The following COL6A2 variants were observed in gnomAD, a reference collection of about 807,000 sequenced individuals.
COL6A2 encodes collagen type VI alpha 2 chain, also known as collagen alpha-2(VI) chain.
In COL6A2, 90 loss-of-function variants were observed where a neutral mutation model predicts 124.9. That is an observed-to-expected ratio of 0.72 (90% CI 0.61 to 0.86). COL6A2 has a LOEUF of 0.86. Among genes scored for constraint, COL6A2 ranks in the 40% least tolerant of loss-of-function variants. The pLI, the probability that COL6A2 is intolerant of heterozygous loss-of-function variation, is 0.00. For missense variants in COL6A2, 1,607 were observed against 1,502.5 expected (o/e 1.07, Z -1.15); for synonymous variants, 793 against 618.2 (o/e 1.28, Z -4.19).
At chr21:46,103,692 T>C (rs1382919497) in intron 1 of COL6A2, among the ~76,000 whole-genome samples, 1 of 152,230 alleles carries the variant, frequency 6.6e-6, no homozygotes, top group African/African-American at 2.4e-5. Flanking sequence ...TTTAATTTCG[T>C]GATTTTTTAA....
intron 27 of COL6A2, 111 bp from the exon 28 acceptor site, chr21:46,131,843 T>C (rs2078763963): frequency 9.8e-7 from 1 of 1,020,590 alleles, no homozygotes; most frequent in Admixed American, 2.0e-5. Flanking sequence ...AGCCCAGTGG[T>C]CTGTGAGGTT....
intron 27 of COL6A2, among the ~76,000 whole-genome samples, chr21:46,131,693 G>A (rs142500002): frequency 2.0e-5 from 3 of 152,310 alleles, no homozygotes; most frequent in Non-Finnish European, 2.9e-5. Flanking sequence ...CTCAGCAGGT[G>A]GACAGGGCCT....
intron 14 of COL6A2, 98 bp downstream of exon 14, chr21:46,119,217 G>A: frequency 1.0e-6 from 1 of 953,730 alleles, no homozygotes; most frequent in Non-Finnish European, 1.6e-6. Flanking sequence ...CTGTAGGCAG[G>A]ATCCCCTGCT....
chr21:46,102,441 G>C (rs1487622207), intron 1 of COL6A2, among the ~76,000 whole-genome samples: 1 of 152,160 alleles, frequency 6.6e-6, no homozygotes, highest in Non-Finnish European at 1.5e-5. Flanking sequence ...AATAGAAGTA[G>C]TGAAAGCAGG....
intron 1 of COL6A2, among the ~76,000 whole-genome samples, chr21:46,098,456 T>TC (rs562300324): frequency 2.0e-5 from 3 of 151,024 alleles, no homozygotes; most frequent in South Asian, 2.1e-4. Context: ...CTGGGCGGGG[T>TC]GGGGGGGTCC....
intron 3 of COL6A2, 86 bp from the exon 4 acceptor site, chr21:46,112,718 G>T (rs1267352622): frequency 4.4e-6 from 7 of 1,605,472 alleles, no homozygotes; most frequent in African/African-American, 1.3e-5. Flanking sequence ...CCACTCAGGT[G>T]TCCCTCCATC....
chr21:46,109,277 C>G (rs1455262136), intron 1 of COL6A2, among the ~76,000 whole-genome samples: 1 of 152,214 alleles, frequency 6.6e-6, no homozygotes, highest in African/African-American at 2.4e-5. Flanking sequence ...GAGAGCACCT[C>G]CTCTCTGCAG....
chr21:46,129,756 A>G, intron 27 of COL6A2: 1 of 1,339,946 alleles, frequency 7.5e-7, no homozygotes, highest in Non-Finnish European at 9.6e-7. Context: ...ATTGAATTTA[A>G]GGCCCACCCC....
At position 46,119,630 on chromosome 21, in the gene COL6A2, G is replaced by A. The variant is rs191418633; in HGVS notation, c.1270-158G>A. ...GGCAGCAGAGCCACTGGCGCAGGCT[G>A]AGGCTGTTGGGAAGGAGCCTGGGGA... On this transcript the variant is annotated intron_variant, in intron 14 of 27. Transcript: ENST00000300527. Among the ~76,000 whole-genome samples the A allele has an allele frequency of 3.0e-3, 460 of 152,310 alleles. 1 individual carries two copies. Among genetic ancestry groups the A allele is most frequent in the Middle Eastern group, 6.8e-3 (2 of 294 alleles).
chr21:46,114,214 C>G, intron 5 of COL6A2, 141 bp downstream of exon 5: 2 of 718,134 alleles, frequency 2.8e-6, no homozygotes, highest in Non-Finnish European at 2.5e-6. Flanking sequence ...ATCACAACGT[C>G]AGGAGATCGA....
intron 1 of COL6A2, among the ~76,000 whole-genome samples, chr21:46,099,889 C>CTTTTTTTTTTTTTTTTTTTT (rs869028897): frequency 1.1e-5 from 1 of 91,840 alleles, no homozygotes; most frequent in Non-Finnish European, 2.1e-5. Context: ...GCAGCACTGT[C>CTTTTTTTTTTTTTTTTTTTT]TTTTTTTTTT....
rs201756065 is a variant in COL6A2 at position 46,122,535 on chromosome 21, T to C, written c.1608+4T>C. The stretch of plus-strand genomic sequence containing the variant: ...GCCCGGCCCACGCGGCCCCGAGGTA[T>C]GTGTGGGTCCTGGCCACCTGTGCCC... On this transcript the variant is annotated splice_donor_region_variant and intron_variant, in intron 20 of 27. Coordinates refer to ENST00000300527, the MANE Select transcript of COL6A2 (RefSeq NM_001849.4). The C allele has an allele frequency of 6.2e-7, 1 of 1,612,466 alleles. No individual in the cohort carries two copies. Among genetic ancestry groups the C allele is most frequent in the Non-Finnish European group, 8.5e-7 (1 of 1,179,932 alleles).
At position 46,121,023 on chromosome 21, in the gene COL6A2, C is replaced by CA. The variant is rs2078557762; in HGVS notation, c.1396-37dup. ...ACTGGGGACTCCAGGGTGCTGCTGT[C>CA]AGTCAAGAGAACCCCAAATTCCTCC... On this transcript the variant is annotated intron_variant, in intron 16 of 27. Coordinates refer to ENST00000300527, the MANE Select transcript of COL6A2 (RefSeq NM_001849.4). 4.4e-6 allele frequency: 7 copies of CA among 1,597,516 alleles called. No homozygotes were observed. In the Admixed American group the frequency reaches 1.2e-4, roughly 27 times the overall value.
Position 46,112,134 on chromosome 21 carries a change from G to C in COL6A2, c.271G>C (p.Ala91Pro). The C allele has an allele frequency of 6.2e-7, 1 of 1,613,168 alleles. No homozygotes were observed. Among genetic ancestry groups the C allele is most frequent in the Non-Finnish European group, 8.5e-7 (1 of 1,180,024 alleles). ...LQNEFYLDQV[A>P]LSWRYGGLHF... Reference sequence around the variant, plus strand: ...GAACGAGTTCTACCTGGACCAGGTGGCGCTGAGCTGGCGCTACGGCGGCCT... The same window carrying C: ...GAACGAGTTCTACCTGGACCAGGTGCCGCTGAGCTGGCGCTACGGCGGCCT... The change falls in exon 3 of 28, where the codon GCG becomes CCG. Residue 91 changes from alanine to proline, a missense_variant. Ala to Pro is a conservative substitution (Grantham distance 27). This residue lies in a region of COL6A2 where 342 missense variants were observed against 381.5 expected (regional missense o/e 0.90). Transcript: ENST00000300527.
In COL6A2 at chr21:46,132,151, G is replaced by T; in HGVS notation, c.2659G>T (p.Glu887Ter). 8 of 1,570,270 alleles carry T rather than the reference G, an allele frequency of 5.1e-6. No homozygotes were observed. Among genetic ancestry groups the T allele is most frequent in the Non-Finnish European group, 6.9e-6 (8 of 1,159,574 alleles). The change falls in exon 28 of 28, where the codon GAG (glutamate) becomes TAG (stop). Residue 887 changes from glutamate to a stop codon, truncating the protein, a stop_gained. Transcript: ENST00000300527. LOFTEE classifies it high-confidence loss of function. ...VALLQFGGPG[E>*]QQVAFPLSHN... Reference sequence around the variant, plus strand: ...GCTGCTGCAGTTTGGTGGCCCCGGCGAGCAGCAGGTGGCCTTCCCGCTGAG... The same window carrying T: ...GCTGCTGCAGTTTGGTGGCCCCGGCTAGCAGCAGGTGGCCTTCCCGCTGAG...
intron 14 of COL6A2, among the ~76,000 whole-genome samples, chr21:46,119,330 C>T (rs1601233043): frequency 6.6e-6 from 1 of 152,308 alleles, no homozygotes; most frequent in East Asian, 1.9e-4. Flanking sequence ...GCAGGTCCTC[C>T]ATGGTGTTCC....
In COL6A2 at chr21:46,124,746, C is replaced by T; in HGVS notation, c.1734+33C>T. The stretch of plus-strand genomic sequence containing the variant: ...GGTGGCCAGTCCCCATGCCCTCCCC[C>T]CAACCTGCCAGGCCAACACACACCC... On this transcript the variant is annotated intron_variant, in intron 22 of 27. Coordinates refer to ENST00000300527, the MANE Select transcript of COL6A2 (RefSeq NM_001849.4). 5 of 1,609,356 alleles carry T rather than the reference C, an allele frequency of 3.1e-6. No individual in the cohort carries two copies. The South Asian group carries it at 3.3e-5, about 11-fold the overall frequency.
Position 46,125,485 on chromosome 21 carries a change from G to A in COL6A2, c.1837G>A (p.Ala613Thr), listed in dbSNP as rs146949791. The A allele has an allele frequency of 4.2e-5, 67 of 1,612,784 alleles. No homozygotes were observed. Among genetic ancestry groups the A allele is most frequent in the African/African-American group, 9.3e-5 (7 of 74,922 alleles). ...CCCAGACTGTGAGAAGCGCTGTGGC[G>A]CCCTGGACGTGGTCTTCGTCATCGA... ...GCCDCEKRCG[A>T]LDVVFVIDSS... The change falls in exon 25 of 28, where the codon GCC becomes ACC. Residue 613 changes from alanine to threonine, a missense_variant. Coordinates refer to ENST00000300527, the MANE Select transcript of COL6A2 (RefSeq NM_001849.4).
Position 46,132,703 on chromosome 21 carries a change from G to A in COL6A2, c.*151G>A. On this transcript the variant is annotated 3_prime_UTR_variant, in exon 28 of 28. Coordinates refer to ENST00000300527, the MANE Select transcript of COL6A2 (RefSeq NM_001849.4). The stretch of plus-strand genomic sequence containing the variant: ...CAGCTCCTCCCACGGGGTCCCCGTA[G>A]CCCCGGCCCCCGCCCAGCCCCAGGT... The A allele has an allele frequency of 2.5e-6, 2 of 789,716 alleles. No individual in the cohort carries two copies. Among genetic ancestry groups the A allele is most frequent in the Non-Finnish European group, 2.0e-6 (1 of 493,224 alleles). 48.9% of individuals were successfully genotyped at this position (789,716 alleles called of 1,614,324 possible). A position where few individuals can be genotyped will look rare whatever the true frequency, so the allele number is the denominator to read the frequency against.
Sources: gnomAD v4.1 joint callset for allele counts (sites outside exome capture counted in the v4.1 genomes callset) on GRCh38, gnomAD v4.1.1 for gene constraint, gnomAD v4.1.1 regional missense constraint, MANE v1.5 for transcripts, NCBI Gene and HGNC (gene_info 2026-07-23, HGNC 2026-07-21) for gene names.